The following PTPRJ variants were observed in gnomAD, a reference collection of about 807,000 sequenced individuals.
The protein encoded by PTPRJ is protein tyrosine phosphatase receptor type J, also known as receptor-type tyrosine-protein phosphatase eta.
PTPRJ carries 129 observed loss-of-function variants against 141.3 expected under a neutral mutation model. The ratio of observed to expected loss-of-function variants is 0.91; its 90% CI spans 0.79 to 1.06. The LOEUF (loss-of-function observed/expected upper bound fraction) is 1.06, where lower values mean the gene tolerates loss of function less well. PTPRJ is among the 50% of genes least tolerant of loss of function. The pLI is 0.00. For missense variants in PTPRJ, 1,601 were observed against 1,679.7 expected (o/e 0.95, Z 0.82); for synonymous variants, 610 against 640.5 (o/e 0.95, Z 0.72).
intron 1 of PTPRJ, among the ~76,000 whole-genome samples, chr11:48,022,204 C>G (rs1006351906): frequency 8.7e-6 from 1 of 115,322 alleles, no homozygotes; most frequent in Admixed American, 7.2e-5. Context: ...TGGCTCATGC[C>G]TGTAAATCCT....
At chr11:48,005,637 T>C (rs558358158) in intron 1 of PTPRJ, among the ~76,000 whole-genome samples, 1 of 152,302 alleles carries the variant, frequency 6.6e-6, no homozygotes, top group South Asian at 2.1e-4. Flanking sequence ...TTTTGGCTAT[T>C]GTGAGTGACA....
intron 1 of PTPRJ, among the ~76,000 whole-genome samples, chr11:47,985,447 T>C (rs1321952916): frequency 6.6e-6 from 1 of 152,038 alleles, no homozygotes; most frequent in African/African-American, 2.4e-5. Context: ...CACCCAGCCA[T>C]GTTTTTATTT....
intron 1 of PTPRJ, among the ~76,000 whole-genome samples, chr11:47,983,186 T>A (rs1853958622): frequency 7.4e-6 from 1 of 134,884 alleles, no homozygotes; most frequent in South Asian, 2.3e-4. Context: ...CAAAGTGCTA[T>A]TTTTTTTTTT....
At chr11:48,034,986 T>C (rs1854081318) in intron 1 of PTPRJ, among the ~76,000 whole-genome samples, 1 of 152,178 alleles carries the variant, frequency 6.6e-6, no homozygotes, top group African/African-American at 2.4e-5. Context: ...TTGCTTGAAG[T>C]CCAAAGCTGA....
intron 1 of PTPRJ, among the ~76,000 whole-genome samples, chr11:48,052,738 A>G (rs926491395): frequency 1.3e-5 from 2 of 152,096 alleles, no homozygotes; most frequent in Admixed American, 6.6e-5. Context: ...GGCTGACCCT[A>G]CCTTACCGCC....
intron 1 of PTPRJ, among the ~76,000 whole-genome samples, chr11:48,036,825 AG>A (rs1381958177): frequency 6.6e-6 from 1 of 152,214 alleles, no homozygotes; most frequent in East Asian, 1.9e-4. Context: ...CAGAGAAACC[AG>A]GCAGATACTG....
chr11:48,094,029 C>T (rs1031665352), intron 1 of PTPRJ, among the ~76,000 whole-genome samples: 1 of 152,154 alleles, frequency 6.6e-6, no homozygotes, highest in African/African-American at 2.4e-5. Context: ...TTCTTTTTCC[C>T]TGGTGGGTCA....
intron 15 of PTPRJ, among the ~76,000 whole-genome samples, chr11:48,148,193 A>G (rs996254764): frequency 6.6e-6 from 1 of 152,168 alleles, no homozygotes; most frequent in Non-Finnish European, 1.5e-5. Flanking sequence ...CAGTGGCTGG[A>G]TAAAACAGTT....
intron 9 of PTPRJ, among the ~76,000 whole-genome samples, 173 bp from the exon 10 acceptor site, chr11:48,136,830 T>C (rs967048699): frequency 1.3e-5 from 2 of 152,226 alleles, no homozygotes; most frequent in African/African-American, 2.4e-5. Context: ...ACTTAATCTG[T>C]ATAATTATTT....
At chr11:48,044,720 G>T (rs1175054263) in intron 1 of PTPRJ, 2 of 152,256 alleles carry the variant, frequency 1.3e-5, no homozygotes, top group African/African-American at 4.8e-5. Flanking sequence ...CCAGAGAGAG[G>T]ATGCAGGCCA....
chr11:48,057,400 G>A (rs566318270), intron 1 of PTPRJ, among the ~76,000 whole-genome samples: 1 of 152,296 alleles, frequency 6.6e-6, no homozygotes, highest in East Asian at 1.9e-4. Context: ...TGTAAAGAAG[G>A]TGGAGATGAG....
chr11:48,110,087 T>G lies in PTPRJ; in HGVS notation c.115+11T>G, dbSNP rs764694689. The stretch of plus-strand genomic sequence containing the variant: ...TGTGCGCAGGTGGCAGTGAGTACCC[T>G]TTTCCTCTCTATTCTTGTGTTGTTC... On this transcript the variant is annotated intron_variant, in intron 2 of 24. Coordinates refer to ENST00000418331, the MANE Select transcript of PTPRJ (RefSeq NM_002843.4). The G allele has an allele frequency of 9.3e-6, 15 of 1,611,742 alleles. No individual in the cohort carries two copies. The highest frequency in any genetic ancestry group is 7.7e-5 in the South Asian group (7 of 90,968).
At chr11:48,155,108 G>A (rs1268309435) in intron 19 of PTPRJ, among the ~76,000 whole-genome samples, 1 of 152,166 alleles carries the variant, frequency 6.6e-6, no homozygotes, top group African/African-American at 2.4e-5. Flanking sequence ...GGGCAAGTTT[G>A]TGTGTATGCT....
At chr11:48,153,492 C>CAAAAAAAAAAAA (rs59516853) in intron 18 of PTPRJ, among the ~76,000 whole-genome samples, 1 of 68,438 alleles carries the variant, frequency 1.5e-5, no homozygotes, top group Non-Finnish European at 2.5e-5. Context: ...GACTCTGTCT[C>CAAAAAAAAAAAA]AAAAAAAAAA....
chr11:48,008,118 G>A (rs1854673967), intron 1 of PTPRJ, among the ~76,000 whole-genome samples: 1 of 149,358 alleles, frequency 6.7e-6, no homozygotes, highest in Non-Finnish European at 1.5e-5. Flanking sequence ...ATCTGCTGGA[G>A]GGAAATCTGT....
In PTPRJ at chr11:48,159,161, G is replaced by GTGTGTGTGTGTGTGTA. The variant is rs60389100; in HGVS notation, c.3439-769_3439-768insTGTGTGTGTGTGTGTA. Among the ~76,000 whole-genome samples, 73 of 130,630 alleles carry GTGTGTGTGTGTGTGTA rather than the reference G, an allele frequency of 5.6e-4. 5 individuals carry two copies. Among genetic ancestry groups the GTGTGTGTGTGTGTGTA allele is most frequent in the South Asian group, 4.0e-3 (15 of 3,710 alleles). The allele number at this position is 130,630 out of a possible 152,430, so 85.7% of individuals were successfully genotyped here. A position where few individuals can be genotyped will look rare whatever the true frequency, so the allele number is the denominator to read the frequency against. Reference sequence around the variant, plus strand: ...TGTGTGTGTGTGTGTGTGTGTGTGTGGTCATTTGCCAAATGGGTATTCAGA... The same window carrying GTGTGTGTGTGTGTGTA: ...TGTGTGTGTGTGTGTGTGTGTGTGTGTGTGTGTGTGTGTGTAGTCATTTGCCAAATGGGTATTCAGA... On this transcript the variant is annotated intron_variant, in intron 21 of 24. Coordinates refer to ENST00000418331, the MANE Select transcript of PTPRJ (RefSeq NM_002843.4).
At position 48,159,987 on chromosome 11, in the gene PTPRJ, G is replaced by A; in HGVS notation, c.3496G>A (p.Val1166Met). 6.2e-7 allele frequency: 1 copy of A among 1,613,906 alleles called. No individual in the cohort carries two copies. Among genetic ancestry groups the A allele is most frequent in the South Asian group, 1.1e-5 (1 of 91,074 alleles). ...KQAQDYGDIT[V>M]AMTSEIVLPE... ...GGCTCAGGACTATGGAGACATAACT[G>A]TGGCAATGACATCAGAAATTGTTCT... The change falls in exon 22 of 25, where the codon GTG becomes ATG. Residue 1166 changes from valine to methionine, a missense_variant. Val to Met is a conservative substitution (Grantham distance 21). Coordinates refer to ENST00000418331, the MANE Select transcript of PTPRJ (RefSeq NM_002843.4).
intron 12 of PTPRJ, 83 bp downstream of exon 12, chr11:48,143,133 G>A (rs1299134162): frequency 4.6e-6 from 7 of 1,527,384 alleles, no homozygotes; most frequent in Non-Finnish European, 5.4e-6. Context: ...AGGCATGTGA[G>A]TAATGCAGAC....
At chr11:48,144,487 T>G (rs1025615361) in intron 12 of PTPRJ, among the ~76,000 whole-genome samples, 188 bp from the exon 13 acceptor site, 2 of 152,214 alleles carry the variant, frequency 1.3e-5, no homozygotes, top group African/African-American at 2.4e-5. Flanking sequence ...ATGGGATTCA[T>G]GGGGATGAAG....
Sources: gnomAD v4.1 joint callset for allele counts (sites outside exome capture counted in the v4.1 genomes callset) on GRCh38, gnomAD v4.1.1 for gene constraint, MANE v1.5 for transcripts, NCBI Gene and HGNC (gene_info 2026-07-23, HGNC 2026-07-21) for gene names.